LHFPL3: variants seen among roughly 807,000 people sequenced by gnomAD.
LHFPL3 encodes LHFPL tetraspan subfamily member 3 protein.
A neutral mutation model predicts 19.3 loss-of-function variants in LHFPL3; 5 were observed. That is an observed-to-expected ratio of 0.26 (90% CI 0.14 to 0.54). LHFPL3 has a LOEUF of 0.54. Ranked by LOEUF, LHFPL3 falls within the 20% of genes least tolerant of loss-of-function variation. The pLI, the probability that LHFPL3 is intolerant of heterozygous loss-of-function variation, is 0.94. For missense variants in LHFPL3, 249 were observed against 307.4 expected (o/e 0.81, Z 1.42); for synonymous variants, 133 against 126.2 (o/e 1.05, Z -0.36).
intron 1 of LHFPL3, among the ~76,000 whole-genome samples, chr7:104,334,699 T>G (rs1789749428): frequency 6.6e-6 from 1 of 152,216 alleles, no homozygotes; most frequent in Non-Finnish European, 1.5e-5. Flanking sequence ...GGTTGTGACT[T>G]GACACCCTAA....
chr7:104,849,482 C>G (rs973115322), intron 2 of LHFPL3, among the ~76,000 whole-genome samples: 1 of 152,184 alleles, frequency 6.6e-6, no homozygotes, highest in Non-Finnish European at 1.5e-5. Context: ...GTGTGGGGGC[C>G]AAGGCCCTTG....
chr7:104,641,338 C>T (rs1349826410), intron 1 of LHFPL3, among the ~76,000 whole-genome samples: 2 of 152,182 alleles, frequency 1.3e-5, no homozygotes, highest in Non-Finnish European at 2.9e-5. Context: ...TTAAACGAGA[C>T]CAGTCTGCTC....
chr7:104,365,333 G>C (rs912837201), intron 1 of LHFPL3, among the ~76,000 whole-genome samples: 1 of 151,758 alleles, frequency 6.6e-6, no homozygotes, highest in Non-Finnish European at 1.5e-5. Context: ...TAAAAAAGGA[G>C]GTGGGAGCGA....
chr7:104,365,763 G>A (rs867838402), intron 1 of LHFPL3, among the ~76,000 whole-genome samples: 2 of 115,712 alleles, frequency 1.7e-5, no homozygotes, highest in Non-Finnish European at 1.9e-5. Flanking sequence ...AGTCCGGCCT[G>A]GGCGACAGAG....
intron 2 of LHFPL3, among the ~76,000 whole-genome samples, chr7:104,767,530 T>G (rs1794475700): frequency 6.6e-6 from 1 of 152,358 alleles, no homozygotes; most frequent in South Asian, 2.1e-4. Context: ...AAAATGAAAT[T>G]TAGGTACCCT....
At chr7:104,903,707 C>T (rs944972758) in intron 2 of LHFPL3, among the ~76,000 whole-genome samples, 2 of 152,194 alleles carry the variant, frequency 1.3e-5, no homozygotes, top group Non-Finnish European at 2.9e-5. Flanking sequence ...CTCAAGTGAT[C>T]TGCCCACCTT....
chr7:104,789,846 G>A (rs73714126), intron 2 of LHFPL3, among the ~76,000 whole-genome samples: 42 of 152,224 alleles, frequency 2.8e-4, no homozygotes, highest in African/African-American at 9.1e-4. Context: ...ACATCTTAAT[G>A]AAGAGTGATC....
chr7:104,797,613 T>C lies in LHFPL3; in HGVS notation c.682+60702T>C, dbSNP rs181686708. On this transcript the variant is annotated intron_variant, in intron 2 of 2. Coordinates refer to ENST00000424859, the MANE Select transcript of LHFPL3 (RefSeq NM_199000.3). The stretch of plus-strand genomic sequence containing the variant: ...CCAATATACCTTAGTCTGTCCTTGA[T>C]AAAACTATAGACAACATAGGCTAGG... 7.9e-5 allele frequency among the ~76,000 whole-genome samples: 12 copies of C among 152,070 alleles called. No individual in the cohort carries two copies. The East Asian group carries it at 2.3e-3, about 29-fold the overall frequency.
chr7:104,469,208 A>C lies in LHFPL3; in HGVS notation c.445+139984A>C, dbSNP rs558240371. ...ATTATTATAAAGGCTGTCTAGGAAC[A>C]GAAAAGCATTGTCCTGATGAGGTCT... On this transcript the variant is annotated intron_variant, in intron 1 of 2. Transcript: ENST00000424859. 1.0e-3 allele frequency among the ~76,000 whole-genome samples: 157 copies of C among 152,340 alleles called. 5 individuals are homozygous for C. The South Asian group carries it at 0.032, about 31-fold the overall frequency.
At chr7:104,594,127 G>A (rs1346747241) in intron 1 of LHFPL3, among the ~76,000 whole-genome samples, 1 of 152,182 alleles carries the variant, frequency 6.6e-6, no homozygotes, top group Non-Finnish European at 1.5e-5. Flanking sequence ...TTTCTTCATA[G>A]CATCAGTAGT....
intron 2 of LHFPL3, among the ~76,000 whole-genome samples, chr7:104,780,702 C>T (rs1046208869): frequency 2.6e-5 from 4 of 152,184 alleles, no homozygotes; most frequent in African/African-American, 9.7e-5. Flanking sequence ...CAAGCCCTGC[C>T]ACCTTTTCAG....
intron 1 of LHFPL3, among the ~76,000 whole-genome samples, chr7:104,547,992 A>G (rs115632874): frequency 6.2e-4 from 95 of 152,348 alleles, no homozygotes; most frequent in African/African-American, 2.3e-3. Context: ...AGGAAGTGGT[A>G]CAATAGAACA....
chr7:104,439,921 A>G (rs1792182937), intron 1 of LHFPL3, among the ~76,000 whole-genome samples: 1 of 151,374 alleles, frequency 6.6e-6, no homozygotes, highest in South Asian at 2.1e-4. Flanking sequence ...CAATGTGATC[A>G]TTTGCTTAGA....
chr7:104,618,417 T>C (rs1239047122), intron 1 of LHFPL3, among the ~76,000 whole-genome samples: 1 of 152,186 alleles, frequency 6.6e-6, no homozygotes, highest in African/African-American at 2.4e-5. Context: ...CATAAAGAGA[T>C]CTTGCCCAAA....
chr7:104,906,045 A>T lies in LHFPL3; in HGVS notation c.683-142A>T, dbSNP rs776638078. On this transcript the variant is annotated intron_variant, in intron 2 of 2. Coordinates refer to ENST00000424859, the MANE Select transcript of LHFPL3 (RefSeq NM_199000.3). ...TCAAACTTTCCAGTATTGTTTGGTA[A>T]CAAATGCAAAATGCATTTGAACCAT... is the stretch of plus-strand genomic sequence containing the variant. The T allele has an allele frequency of 1.1e-4, 84 of 760,250 alleles. 1 individual carries two copies. The South Asian group carries it at 1.2e-3, about 11-fold the overall frequency. 47.1% of individuals were successfully genotyped at this position (760,250 alleles called of 1,614,324 possible). A position where few individuals can be genotyped will look rare whatever the true frequency, so the allele number is the denominator to read the frequency against.
At chr7:104,882,672 G>T (rs1792079305) in intron 2 of LHFPL3, among the ~76,000 whole-genome samples, 2 of 152,126 alleles carry the variant, frequency 1.3e-5, no homozygotes. Flanking sequence ...TAGGTATGGG[G>T]TTTTCATGGT....
chr7:104,380,350 A>T (rs907480862), intron 1 of LHFPL3, among the ~76,000 whole-genome samples: 1 of 152,186 alleles, frequency 6.6e-6, no homozygotes. Flanking sequence ...TAGATGTGGT[A>T]AATAGGAAAC....
intron 1 of LHFPL3, among the ~76,000 whole-genome samples, chr7:104,595,672 G>A (rs1790836007): frequency 1.3e-5 from 2 of 152,264 alleles, no homozygotes; most frequent in South Asian, 4.1e-4. Flanking sequence ...CCACAGAGGT[G>A]GAGTCTAGAG....
chr7:104,436,124 G>A (rs1792099788), intron 1 of LHFPL3, among the ~76,000 whole-genome samples: 1 of 152,116 alleles, frequency 6.6e-6, no homozygotes, highest in African/African-American at 2.4e-5. Flanking sequence ...TTTGAAATAT[G>A]AATGTGTCAC....
Sources: gnomAD v4.1 joint callset for allele counts (sites outside exome capture counted in the v4.1 genomes callset) on GRCh38, gnomAD v4.1.1 for gene constraint, MANE v1.5 for transcripts, NCBI Gene and HGNC (gene_info 2026-07-23, HGNC 2026-07-21) for gene names.